The following LOXHD1 variants were observed in gnomAD, a reference collection of about 807,000 sequenced individuals.
LOXHD1 encodes the protein lipoxygenase homology PLAT domains 1, also known as lipoxygenase homology domain-containing protein 1.
A neutral mutation model predicts 248.2 loss-of-function variants in LOXHD1; 205 were observed. The ratio of observed to expected loss-of-function variants is 0.83; its 90% CI spans 0.74 to 0.93. The LOEUF (loss-of-function observed/expected upper bound fraction) is 0.93, where lower values mean the gene tolerates loss of function less well. LOXHD1 is among the 40% of genes least tolerant of loss of function. The pLI is 0.00. For synonymous variants in LOXHD1, 1,113 were observed against 1,162.8 expected, an observed-to-expected ratio of 0.96 and a Z score of 0.87; for missense variants, 2,930 against 2,971.6, an observed-to-expected ratio of 0.99 and a Z score of 0.33.
intron 18 of LOXHD1, among the ~76,000 whole-genome samples, chr18:46,562,491 A>G (rs2037550151): frequency 6.6e-6 from 1 of 152,074 alleles, no homozygotes; most frequent in South Asian, 2.1e-4. Flanking sequence ...TTTTCCTTCT[A>G]TTGAAAGACT....
intron 12 of LOXHD1, among the ~76,000 whole-genome samples, chr18:46,589,080 C>T (rs960442406): frequency 6.6e-6 from 1 of 152,072 alleles, no homozygotes; most frequent in African/African-American, 2.4e-5. Flanking sequence ...GAATGAGGGT[C>T]GTGATCAACT....
chr18:46,579,727 G>C lies in LOXHD1; in HGVS notation c.1712C>G (p.Ala571Gly), dbSNP rs1018589632. 7.1e-6 allele frequency: 11 copies of C among 1,551,640 alleles called. No individual in the cohort carries two copies. The African/African-American group carries it at 1.2e-4, about 17-fold the overall frequency. ...ACCAAAAAGGCAGAGATAGACGTTG[G>C]CATCGGTCCCAGCACCTTCAAGTTC... The part of the protein sequence containing the change: ...TGELEGAGTD[A>G]NVYLCLFGDV... The change falls in exon 13 of 41, where the codon GCC becomes GGC. Residue 571 changes from alanine to glycine, a missense_variant. Ala to Gly is a moderately conservative substitution (Grantham distance 60). Coordinates refer to ENST00000642948, the MANE Select transcript of LOXHD1 (RefSeq NM_001384474.1).
chr18:46,546,619 AT>A (rs2036853016), intron 22 of LOXHD1, among the ~76,000 whole-genome samples: 1 of 151,252 alleles, frequency 6.6e-6, no homozygotes, highest in South Asian at 2.1e-4. Context: ...CTCCATTCCA[AT>A]TCATTCCATT....
At chr18:46,652,318 T>C (rs1319277789) in intron 1 of LOXHD1, among the ~76,000 whole-genome samples, 1 of 152,204 alleles carries the variant, frequency 6.6e-6, no homozygotes, top group Admixed American at 6.5e-5. Context: ...TGCAAGAATG[T>C]AGAACTCACC....
intron 19 of LOXHD1, 31 bp downstream of exon 19, chr18:46,560,052 T>TAG: frequency 2.3e-6 from 1 of 441,124 alleles, no homozygotes; most frequent in Non-Finnish European, 3.6e-6. Context: ...GGCCACTCCC[T>TAG]CCCCACCCCC....
intron 8 of LOXHD1, among the ~76,000 whole-genome samples, chr18:46,600,955 A>C (rs1043017978): frequency 1.3e-5 from 2 of 152,190 alleles, no homozygotes; most frequent in Admixed American, 1.3e-4. Context: ...AGGAATCAGG[A>C]TAATCATAAC....
intron 28 of LOXHD1, 71 bp downstream of exon 28, chr18:46,533,091 G>T: frequency 6.7e-7 from 1 of 1,494,662 alleles, no homozygotes; most frequent in South Asian, 1.2e-5. Context: ...GCCTGGCACA[G>T]GGCATGTGCT....
chr18:46,642,521 G>A (rs1209631206), intron 2 of LOXHD1, among the ~76,000 whole-genome samples: 1 of 152,228 alleles, frequency 6.6e-6, no homozygotes, highest in Non-Finnish European at 1.5e-5. Flanking sequence ...CAGACCTTGG[G>A]TGGCAGTCCA....
At chr18:46,618,331 C>T in intron 4 of LOXHD1, 41 bp from the exon 5 acceptor site, 1 of 1,419,452 alleles carries the variant, frequency 7.0e-7, no homozygotes. Flanking sequence ...TCATCAGGAT[C>T]CTGAAAAGAG....
At chr18:46,481,716 C>T (rs2032585010) in intron 40 of LOXHD1, among the ~76,000 whole-genome samples, 1 of 152,208 alleles carries the variant, frequency 6.6e-6, no homozygotes, top group African/African-American at 2.4e-5. Flanking sequence ...AGGCTGCATT[C>T]CTGAGGCTGG....
intron 24 of LOXHD1, 110 bp from the exon 25 acceptor site, chr18:46,542,050 T>C: frequency 4.2e-6 from 4 of 953,970 alleles, no homozygotes; most frequent in Non-Finnish European, 6.1e-6. Context: ...GCTGATATCA[T>C]TAACATGACA....
At position 46,566,264 on chromosome 18, in the gene LOXHD1, G is replaced by T. The variant is rs564006132; in HGVS notation, c.2430C>A (p.Ile810=). The T allele has an allele frequency of 4.1e-5, 64 of 1,548,578 alleles. No individual in the cohort carries two copies. The highest frequency in any genetic ancestry group is 5.4e-5 in the Non-Finnish European group (62 of 1,144,450). The change falls in exon 17 of 41, where the codon ATC becomes ATA. Residue 810 remains isoleucine, a synonymous_variant. Transcript: ENST00000642948. ...CCACAGCCTCCTCCATACATTTCTG[G>T]ATCTCCACCACCTCGCTGGGATACA... ...VELYPSEVVE[I]QKLVHYEVEI...
At chr18:46,566,187 C>T (rs749740657) in intron 17 of LOXHD1, 70 bp downstream of exon 17, 11 of 1,401,716 alleles carry the variant, frequency 7.8e-6, no homozygotes, top group Non-Finnish European at 1.1e-5. Context: ...CCCCATGGTC[C>T]CTCCTCCTTC....
At chr18:46,566,209 A>G in intron 17 of LOXHD1, 48 bp downstream of exon 17, 1 of 1,509,436 alleles carries the variant, frequency 6.6e-7, no homozygotes, top group Non-Finnish European at 8.9e-7. Flanking sequence ...CCTCAGCCCC[A>G]TCCCCCATGG....
intron 4 of LOXHD1, among the ~76,000 whole-genome samples, chr18:46,638,839 GT>G (rs2038925535): frequency 6.6e-6 from 1 of 152,120 alleles, no homozygotes; most frequent in African/African-American, 2.4e-5. Flanking sequence ...ACTCCAACAA[GT>G]GTGTTAGCCT....
chr18:46,491,026 TC>T (rs560813135), intron 37 of LOXHD1, among the ~76,000 whole-genome samples: 2 of 152,140 alleles, frequency 1.3e-5, no homozygotes, highest in Non-Finnish European at 2.9e-5. Context: ...CTCAAACACT[TC>T]TGAAGTGGAA....
intron 1 of LOXHD1, among the ~76,000 whole-genome samples, 197 bp downstream of exon 1, chr18:46,656,707 T>C (rs565550161): frequency 6.6e-6 from 1 of 152,302 alleles, no homozygotes; most frequent in South Asian, 2.1e-4. Flanking sequence ...GCTCCACCTG[T>C]CTGTACAACA....
intron 37 of LOXHD1, among the ~76,000 whole-genome samples, chr18:46,495,236 A>G (rs2033781613): frequency 6.6e-6 from 1 of 152,230 alleles, no homozygotes; most frequent in African/African-American, 2.4e-5. Flanking sequence ...CATGAAGAAC[A>G]AGATAAATTA....
chr18:46,499,408 A>G (rs2034083279), intron 37 of LOXHD1, among the ~76,000 whole-genome samples: 1 of 152,208 alleles, frequency 6.6e-6, no homozygotes, highest in Admixed American at 6.5e-5. Flanking sequence ...TACTTCATGC[A>G]AGGTGAAATT....
Sources: allele counts gnomAD v4.1 joint callset (sites outside exome capture counted in the v4.1 genomes callset), GRCh38; gene constraint gnomAD v4.1.1; transcripts MANE v1.5; gene names NCBI Gene and HGNC (gene_info 2026-07-23, HGNC 2026-07-21).